The following RIMS2 variants were observed in gnomAD, a reference collection of about 807,000 sequenced individuals.
RIMS2 encodes regulating synaptic membrane exocytosis protein 2.
Under a neutral mutation model 174.4 loss-of-function variants are expected in RIMS2, and 59 were observed. The ratio of observed to expected loss-of-function variants is 0.34; its 90% confidence interval spans 0.27 to 0.42. RIMS2 has a LOEUF of 0.42. Ranked by LOEUF, RIMS2 falls within the 10% of genes least tolerant of loss-of-function variation. RIMS2 has a pLI of 1.00. For missense variants in RIMS2, 1,620 were observed against 1,666.3 expected, an observed-to-expected ratio of 0.97 and a Z score of 0.48; for synonymous variants, 606 against 572.5, an observed-to-expected ratio of 1.06 and a Z score of -0.84.
chr8:103,794,103 A>G (rs1040608543), intron 3 of RIMS2, among the ~76,000 whole-genome samples: 2 of 152,188 alleles, frequency 1.3e-5, no homozygotes, highest in Non-Finnish European at 2.9e-5. Flanking sequence ...ATATGGAACC[A>G]AAAAAGAGCC....
chr8:103,675,671 C>T (rs765820296), intron 1 of RIMS2, among the ~76,000 whole-genome samples: 38 of 152,062 alleles, frequency 2.5e-4, no homozygotes, highest in Non-Finnish European at 2.8e-4. Context: ...CAGAAATTAC[C>T]GTATTATATT....
chr8:103,786,093 A>C (rs1237361470), intron 3 of RIMS2, among the ~76,000 whole-genome samples: 5 of 151,992 alleles, frequency 3.3e-5, no homozygotes, highest in African/African-American at 1.2e-4. Context: ...GGTAGTTTGT[A>C]TTTCTGTGGG....
At chr8:103,528,233 G>A (rs541430060) in intron 1 of RIMS2, among the ~76,000 whole-genome samples, 1 of 152,026 alleles carries the variant, frequency 6.6e-6, no homozygotes, top group Non-Finnish European at 1.5e-5. Context: ...CTTTTCAATG[G>A]GGTTGTTTTT....
chr8:104,115,650 T>A (rs2098267481), intron 19 of RIMS2, among the ~76,000 whole-genome samples: 1 of 152,120 alleles, frequency 6.6e-6, no homozygotes, highest in Non-Finnish European at 1.5e-5. Flanking sequence ...CTCCTACAGT[T>A]ACAGTGATAT....
intron 19 of RIMS2, among the ~76,000 whole-genome samples, chr8:104,229,114 T>C (rs554020349): frequency 4.6e-5 from 7 of 152,294 alleles, no homozygotes; most frequent in Admixed American, 2.6e-4. Context: ...CTTTAACAGG[T>C]TCACTACCAG....
chr8:103,555,235 A>G (rs1172648337), intron 1 of RIMS2, among the ~76,000 whole-genome samples: 4 of 152,204 alleles, frequency 2.6e-5, no homozygotes, highest in African/African-American at 9.6e-5. Flanking sequence ...TTGAAAGAAT[A>G]CATATCAATG....
intron 19 of RIMS2, among the ~76,000 whole-genome samples, chr8:104,053,951 A>T (rs2096829486): frequency 6.6e-6 from 1 of 152,132 alleles, no homozygotes; most frequent in African/African-American, 2.4e-5. Context: ...GAATTCAGAA[A>T]GGGATATTTA....
At chr8:103,932,078 A>C (rs777159817) in intron 12 of RIMS2, among the ~76,000 whole-genome samples, 10 of 152,148 alleles carry the variant, frequency 6.6e-5, no homozygotes, top group Non-Finnish European at 1.3e-4. Flanking sequence ...AATAAAAGAG[A>C]CTATTCAATA....
At chr8:104,002,268 T>C (rs1423763415) in intron 17 of RIMS2, among the ~76,000 whole-genome samples, 1 of 152,114 alleles carries the variant, frequency 6.6e-6, no homozygotes, top group Non-Finnish European at 1.5e-5. Context: ...TTGATCCCTT[T>C]ATTCTTGCTG....
At chr8:103,680,624 A>G (rs549144747) in intron 1 of RIMS2, among the ~76,000 whole-genome samples, 2 of 152,050 alleles carry the variant, frequency 1.3e-5, no homozygotes, top group Non-Finnish European at 1.5e-5. Context: ...ATGTTCAACT[A>G]TGTATATATA....
intron 19 of RIMS2, among the ~76,000 whole-genome samples, chr8:104,145,349 A>G (rs1022071879): frequency 1.3e-5 from 2 of 152,206 alleles, no homozygotes; most frequent in Middle Eastern, 3.4e-3. Flanking sequence ...GTATTTCCAA[A>G]CCCTTATAAA....
At chr8:103,875,903 A>G (rs2099134151) in intron 3 of RIMS2, among the ~76,000 whole-genome samples, 1 of 151,970 alleles carries the variant, frequency 6.6e-6, no homozygotes, top group South Asian at 2.1e-4. Flanking sequence ...CAACTTCTAT[A>G]TCTTCTTTTG....
intron 19 of RIMS2, among the ~76,000 whole-genome samples, chr8:104,092,315 G>A (rs2097675540): frequency 6.6e-6 from 1 of 151,606 alleles, no homozygotes; most frequent in African/African-American, 2.4e-5. Flanking sequence ...ATCTTTCTAA[G>A]GCTTTATGAA....
intron 1 of RIMS2, among the ~76,000 whole-genome samples, chr8:103,591,354 G>A (rs970526062): frequency 2.0e-5 from 3 of 150,884 alleles, no homozygotes; most frequent in Non-Finnish European, 3.0e-5. Context: ...TTCTCCCAGT[G>A]TATGCTTGTC....
chr8:104,085,706 C>T (rs10104609), intron 19 of RIMS2, among the ~76,000 whole-genome samples: 35,702 of 151,996 alleles, frequency 0.23, 4,493 homozygotes, highest in African/African-American at 0.33. Flanking sequence ...AGTAATATTT[C>T]TTGGCTGATT....
chr8:103,943,636 A>G (rs548128383), intron 14 of RIMS2, among the ~76,000 whole-genome samples: 7 of 152,330 alleles, frequency 4.6e-5, no homozygotes, highest in African/African-American at 1.7e-4. Context: ...GATGCTTAAA[A>G]TAAACTCAGA....
chr8:103,927,912 A>G (rs376579805), intron 11 of RIMS2: 33 of 1,595,596 alleles, frequency 2.1e-5, no homozygotes, highest in Non-Finnish European at 2.7e-5. Flanking sequence ...TCTGCCTGAT[A>G]GAAACTAAAG....
chr8:104,124,703 A>C (rs1016336479), intron 19 of RIMS2, among the ~76,000 whole-genome samples: 1 of 152,186 alleles, frequency 6.6e-6, no homozygotes, highest in Non-Finnish European at 1.5e-5. Flanking sequence ...ATTGGACCAT[A>C]TAATTCAAGG....
chr8:103,564,656 A>G (rs1039944584), intron 1 of RIMS2, among the ~76,000 whole-genome samples: 1 of 152,216 alleles, frequency 6.6e-6, no homozygotes, highest in Non-Finnish European at 1.5e-5. Flanking sequence ...AGAAAGATGA[A>G]GTCCAGAAGC....
Sources: allele counts gnomAD v4.1 joint callset (sites outside exome capture counted in the v4.1 genomes callset), GRCh38; gene constraint gnomAD v4.1.1; transcripts MANE v1.5; gene names NCBI Gene and HGNC (gene_info 2026-07-23, HGNC 2026-07-21).